The following TESPA1 variants were observed in gnomAD, a reference collection of about 807,000 sequenced individuals.
TESPA1 encodes the protein protein TESPA1.
Under a neutral mutation model 57.9 loss-of-function variants are expected in TESPA1, and 33 were observed. The ratio of observed to expected loss-of-function variants is 0.57; its 90% confidence interval spans 0.43 to 0.76. The LOEUF is 0.76. TESPA1 is among the 30% of genes least tolerant of loss of function. The pLI is 0.00. For synonymous variants in TESPA1, 227 were observed against 228.9 expected (o/e 0.99, Z 0.07); for missense variants, 618 against 632.9 (o/e 0.98, Z 0.25).
Position 54,961,253 on chromosome 12 carries a change from AC to A in TESPA1, c.1481del (p.Ser494MetfsTer90), listed in dbSNP as rs1202966533. The A allele has an allele frequency of 1.2e-6, 2 of 1,613,718 alleles. No homozygotes were observed. The highest frequency in any genetic ancestry group is 2.7e-5 in the African/African-American group (2 of 74,852). On this transcript the variant is annotated frameshift_variant, in exon 10 of 11. Transcript: ENST00000449076. LOFTEE classifies it high-confidence loss of function. ...TFDLEEVQSN[S>X]EEEQSQSRWP... is the part of the protein sequence containing the mutation. ...AGCGACTCTGACTCTGCTCCTCCTC[AC>A]TGTTGCTTTGCACCTGTAACCAAGA...
At chr12:54,983,982 A>G (rs539272534) in intron 1 of TESPA1, 1 of 152,172 alleles carries the variant, frequency 6.6e-6, no homozygotes, top group Non-Finnish European at 1.5e-5. Context: ...CTCCCGGTGA[A>G]TTTGACCTTA....
chr12:54,973,834 A>AAGAAAG, intron 2 of TESPA1: 2 of 1,125,616 alleles, frequency 1.8e-6, no homozygotes, highest in Non-Finnish European at 2.2e-6. Flanking sequence ...GAAAAAGAAA[A>AAGAAAG]AGAAAGACAA....
At position 54,963,564 on chromosome 12, in the gene TESPA1, A is replaced by G. The variant is rs1041175543; in HGVS notation, c.655+178T>C. Among the ~76,000 whole-genome samples the G allele has an allele frequency of 6.6e-5, 10 of 152,224 alleles. 1 individual carries two copies. The highest frequency in any genetic ancestry group is 6.5e-4 in the Admixed American group (10 of 15,286). On this transcript the variant is annotated intron_variant, in intron 8 of 10. Coordinates refer to ENST00000449076, the MANE Select transcript of TESPA1 (RefSeq NM_001136030.3). ...GAAGTCTCTTAAAGGCTATTTCTTT[A>G]AGAGAAAGAATCAGACAGAGTTCTC...
intron 10 of TESPA1, among the ~76,000 whole-genome samples, chr12:54,953,917 A>T (rs966538599): frequency 6.6e-6 from 1 of 152,246 alleles, no homozygotes; most frequent in Non-Finnish European, 1.5e-5. Flanking sequence ...AATGAAAATT[A>T]TTAATAATTA....
chr12:54,975,621 C>T (rs1371020046), intron 1 of TESPA1, among the ~76,000 whole-genome samples: 1 of 151,960 alleles, frequency 6.6e-6, no homozygotes, highest in Non-Finnish European at 1.5e-5. Flanking sequence ...CAGGTCTTAT[C>T]CCCCTATTTC....
rs4758994 is a variant in TESPA1, at chr12:54,974,584, G to A, written c.-22C>T. 0.25 allele frequency: 379,319 copies of A among 1,529,172 alleles called. 57,977 individuals carry two copies. Among genetic ancestry groups the A allele is most frequent in the East Asian group, 0.71 (29,670 of 41,782 alleles). The allele number at this position is 1,529,172 out of a possible 1,614,324, so 94.7% of individuals were successfully genotyped here. A position where few individuals can be genotyped will look rare whatever the true frequency, so the allele number is the denominator to read the frequency against. On this transcript the variant is annotated 5_prime_UTR_variant, in exon 2 of 11. Transcript: ENST00000449076. ...CCATGGCCCTGGCTCAGACTTCAGG[G>A]CCTCCCGTAACAGTAATGCCGTCCT...
intron 7 of TESPA1, among the ~76,000 whole-genome samples, chr12:54,964,792 A>G (rs1951320019): frequency 6.6e-6 from 1 of 152,174 alleles, no homozygotes; most frequent in African/African-American, 2.4e-5. Context: ...CCATGGTCCT[A>G]AGTTTCCCTA....
intron 10 of TESPA1, among the ~76,000 whole-genome samples, chr12:54,957,378 GA>G (rs1245844840): frequency 6.6e-6 from 1 of 152,128 alleles, no homozygotes; most frequent in Admixed American, 6.5e-5. Context: ...TACAGACTCT[GA>G]AAAAGGCAGA....
intron 1 of TESPA1, chr12:54,981,901 CTCTCT>C (rs1049180864): frequency 2.0e-5 from 3 of 152,176 alleles, no homozygotes; most frequent in African/African-American, 7.2e-5. Context: ...TGAGACAGAC[CTCTCT>C]TCTCTTCTGT....
intron 10 of TESPA1, among the ~76,000 whole-genome samples, chr12:54,958,651 CA>C (rs1471237196): frequency 6.6e-6 from 1 of 152,094 alleles, no homozygotes; most frequent in East Asian, 1.9e-4. Flanking sequence ...TTCCATTATG[CA>C]TATGTTACAC....
At chr12:54,964,803 T>A (rs1017431711) in intron 7 of TESPA1, among the ~76,000 whole-genome samples, 2 of 152,238 alleles carry the variant, frequency 1.3e-5, no homozygotes, top group Non-Finnish European at 1.5e-5. Context: ...AGTTTCCCTA[T>A]CTGTGAATTG....
chr12:54,963,013 G>T lies in TESPA1; in HGVS notation c.885C>A (p.Cys295Ter). The change falls in exon 9 of 11, where the codon TGC becomes TGA. Residue 295 changes from cysteine to a stop codon, truncating the protein, a stop_gained. Coordinates refer to ENST00000449076, the MANE Select transcript of TESPA1 (RefSeq NM_001136030.3). LOFTEE classifies it high-confidence loss of function. ...KAISKMCLYT[C>*]PRDRPPPPHN... ...GGGGTGGTGGTGGCCGGTCTCGGGG[G>T]CATGTGTACAGACACATCTTGGAGA... 3 of 1,613,888 alleles carry T rather than the reference G, an allele frequency of 1.9e-6. No individual in the cohort carries two copies. The highest frequency in any genetic ancestry group is 1.7e-6 in the Non-Finnish European group (2 of 1,179,870).
chr12:54,967,695 A>G, intron 4 of TESPA1, 148 bp downstream of exon 4: 2 of 936,030 alleles, frequency 2.1e-6, no homozygotes, highest in Non-Finnish European at 3.2e-6. Context: ...TGTGACCACG[A>G]ATAGTGTTTT....
Position 54,963,004 on chromosome 12 carries a change from G to A in TESPA1, c.894C>T (p.Asp298=). 1 of 1,613,816 alleles carries A rather than the reference G, an allele frequency of 6.2e-7. No homozygotes were observed. Among genetic ancestry groups the A allele is most frequent in the Non-Finnish European group, 8.5e-7 (1 of 1,179,850 alleles). The change falls in exon 9 of 11, where the codon GAC becomes GAT. Residue 298 remains aspartate (D), a synonymous_variant. Coordinates refer to ENST00000449076, the MANE Select transcript of TESPA1 (RefSeq NM_001136030.3). ...SKMCLYTCPR[D]RPPPPHNTPK... The stretch of plus-strand genomic sequence containing the variant: ...GGGTGTTGTGGGGTGGTGGTGGCCG[G>A]TCTCGGGGGCATGTGTACAGACACA...
At chr12:54,962,381 A>T in intron 9 of TESPA1, 50 bp downstream of exon 9, 3 of 1,572,342 alleles carry the variant, frequency 1.9e-6, no homozygotes, top group Non-Finnish European at 2.6e-6. Context: ...TCTGGGAAAG[A>T]ATCTACAGCC....
intron 1 of TESPA1, among the ~76,000 whole-genome samples, chr12:54,983,293 G>A (rs184457295): frequency 6.6e-6 from 1 of 152,114 alleles, no homozygotes; most frequent in East Asian, 1.9e-4. Flanking sequence ...GGGTGCATGC[G>A]AATAACTCAG....
At position 54,966,067 on chromosome 12, in the gene TESPA1, G is replaced by C. The variant is rs971571612; in HGVS notation, c.432C>G (p.Asn144Lys). The C allele has an allele frequency of 6.4e-7, 1 of 1,574,552 alleles. No homozygotes were observed. Among genetic ancestry groups the C allele is most frequent in the Non-Finnish European group, 8.6e-7 (1 of 1,158,864 alleles). ...LASSSMTGGT[N>K]KTSSSISEIL... ...TCAGTACCTACCTTGAACTAGTCTT[G>C]TTGGTCCCCCCAGTCATGCTGCTGG... The change falls in exon 7 of 11, where the codon AAC becomes AAG. Residue 144 changes from asparagine to lysine, a missense_variant. This residue lies in a region of TESPA1 where 199 missense variants were observed against 184.0 expected (regional missense o/e 1.08). Coordinates refer to ENST00000449076, the MANE Select transcript of TESPA1 (RefSeq NM_001136030.3).
intron 3 of TESPA1, among the ~76,000 whole-genome samples, chr12:54,968,571 T>A (rs1381270068): frequency 6.6e-6 from 1 of 152,158 alleles, no homozygotes; most frequent in African/African-American, 2.4e-5. Flanking sequence ...GTGACAGGGC[T>A]TTGAAATGTG....
In TESPA1 at chr12:54,949,491, G is replaced by A. The variant is rs1420155556; in HGVS notation, c.*901C>T. The stretch of plus-strand genomic sequence containing the variant: ...TTCTATTAATATTAATATTTTCTCA[G>A]GGGAGAAATGTGTCCAAGATGCTCT... On this transcript the variant is annotated 3_prime_UTR_variant, in exon 11 of 11. Coordinates refer to ENST00000449076, the MANE Select transcript of TESPA1 (RefSeq NM_001136030.3). 1 of 151,460 alleles carries A rather than the reference G, an allele frequency of 6.6e-6. No homozygotes were observed. Among genetic ancestry groups the A allele is most frequent in the African/African-American group, 2.4e-5 (1 of 41,190 alleles). 9.4% of individuals were successfully genotyped at this position (151,460 alleles called of 1,614,324 possible).
Sources: allele counts gnomAD v4.1 joint callset (sites outside exome capture counted in the v4.1 genomes callset), GRCh38; gene constraint gnomAD v4.1.1; regional missense constraint gnomAD v4.1.1; transcripts MANE v1.5; gene names NCBI Gene and HGNC (gene_info 2026-07-23, HGNC 2026-07-21).